The following REEP5 variants were observed in gnomAD, a reference collection of about 807,000 sequenced individuals.
REEP5 encodes the protein receptor expression-enhancing protein 5.
A neutral mutation model predicts 22.4 loss-of-function variants in REEP5; 24 were observed. The observed-to-expected ratio is 1.07, with a 90% CI of 0.78 to 1.51. The LOEUF (loss-of-function observed/expected upper bound fraction) is 1.51. Among genes scored for constraint, REEP5 ranks in the 40% most tolerant of loss-of-function variants. The pLI is 0.00. For missense variants in REEP5, 252 were observed against 233.0 expected, an observed-to-expected ratio of 1.08 and a Z score of -0.53; for synonymous variants, 103 against 88.6, an observed-to-expected ratio of 1.16 and a Z score of -0.92.
intron 2 of REEP5, among the ~76,000 whole-genome samples, chr5:112,916,200 T>C (rs1160755740): frequency 6.6e-6 from 1 of 152,276 alleles, no homozygotes; most frequent in African/African-American, 2.4e-5. Context: ...AAGAGGATGC[T>C]GTTGCTTTTA....
intron 3 of REEP5, chr5:112,892,711 A>T (rs1768519237): frequency 6.2e-7 from 1 of 1,613,968 alleles, no homozygotes; most frequent in Non-Finnish European, 8.5e-7. Context: ...TTCAGATCAG[A>T]CTGGCTCCTC....
intron 3 of REEP5, among the ~76,000 whole-genome samples, chr5:112,887,514 G>C (rs1410678485): frequency 6.6e-6 from 1 of 151,998 alleles, no homozygotes; most frequent in African/African-American, 2.4e-5. Flanking sequence ...ATCAATTTAA[G>C]AAAATATAGT....
rs73789238 is a variant in REEP5 at position 112,884,139 on chromosome 5, T to A, written c.520+2876A>T. ...GCATCTTATTAAAACACAGGACAGA[T>A]CATTTTGCTTCTGTGGTTAAAAGTC... is the stretch of plus-strand genomic sequence containing the variant. On this transcript the variant is annotated intron_variant, in intron 4 of 4. Coordinates refer to ENST00000379638, the MANE Select transcript of REEP5 (RefSeq NM_005669.5). Among the ~76,000 whole-genome samples, 1,135 of 152,286 alleles carry A rather than the reference T, an allele frequency of 7.5e-3. 11 individuals are homozygous for A. Among genetic ancestry groups the A allele is most frequent in the African/African-American group, 0.026 (1,065 of 41,554 alleles).
intron 2 of REEP5, among the ~76,000 whole-genome samples, chr5:112,911,619 C>CT (rs1187530918): frequency 2.0e-5 from 3 of 152,098 alleles, no homozygotes; most frequent in African/African-American, 7.2e-5. Context: ...AGATCAAATG[C>CT]TTTTTTATAT....
At chr5:112,921,640 G>A (rs1404536660) in intron 1 of REEP5, 1 of 261,610 alleles carries the variant, frequency 3.8e-6, no homozygotes, top group Admixed American at 5.3e-5. Context: ...TCCCGCACAC[G>A]CTGCAGTAGC....
intron 3 of REEP5, chr5:112,891,476 CAAAAT>C: frequency 1.1e-6 from 1 of 944,978 alleles, no homozygotes; most frequent in Non-Finnish European, 1.5e-6. Flanking sequence ...AAAGGAGAAA[CAAAAT>C]GAAAGTAATT....
intron 2 of REEP5, among the ~76,000 whole-genome samples, chr5:112,918,619 T>C (rs747961540): frequency 6.6e-6 from 1 of 152,216 alleles, no homozygotes; most frequent in Non-Finnish European, 1.5e-5. Context: ...GCAGCCAAAG[T>C]GACCTTAAAA....
chr5:112,914,757 G>A (rs981228413), intron 2 of REEP5, among the ~76,000 whole-genome samples: 15 of 152,180 alleles, frequency 9.9e-5, no homozygotes, highest in African/African-American at 2.6e-4. Flanking sequence ...ACAAGTGAGC[G>A]ATCCCTTAAC....
At chr5:112,892,073 TG>T (rs1415522447) in intron 3 of REEP5, 1 of 1,597,518 alleles carries the variant, frequency 6.3e-7, no homozygotes. Flanking sequence ...CAGAAGATGC[TG>T]GATCAGGCTG....
intron 2 of REEP5, among the ~76,000 whole-genome samples, chr5:112,910,940 C>G (rs755624793): frequency 2.0e-5 from 3 of 152,204 alleles, no homozygotes; most frequent in Admixed American, 6.5e-5. Flanking sequence ...ACAAATCCAC[C>G]ATGGTAATCC....
intron 2 of REEP5, among the ~76,000 whole-genome samples, chr5:112,913,391 GAGAA>G (rs1178774128): frequency 7.5e-6 from 1 of 133,928 alleles, no homozygotes; most frequent in Non-Finnish European, 1.6e-5. Context: ...GAGAAAGAAA[GAGAA>G]AGAAAGAAAA....
intron 2 of REEP5, among the ~76,000 whole-genome samples, chr5:112,917,225 A>T: frequency 6.6e-6 from 1 of 152,188 alleles, no homozygotes; most frequent in Non-Finnish European, 1.5e-5. Context: ...CCCCCTAAAC[A>T]TATTTAATCT....
chr5:112,902,369 G>T lies in REEP5; in HGVS notation c.351+11C>A. 6.2e-7 allele frequency: 1 copy of T among 1,602,044 alleles called. No homozygotes were observed. The highest frequency in any genetic ancestry group is 8.5e-7 in the Non-Finnish European group (1 of 1,175,888). ...TGAGATGGAGTTTTAGTGGTAGCAA[G>T]ACCAACATACCTTCAGCATGTAGTA... is the stretch of plus-strand genomic sequence containing the variant. On this transcript the variant is annotated intron_variant, in intron 3 of 4. Coordinates refer to ENST00000379638, the MANE Select transcript of REEP5 (RefSeq NM_005669.5).
At chr5:112,902,220 T>TTG in intron 3 of REEP5, among the ~76,000 whole-genome samples, 160 bp downstream of exon 3, 1 of 149,038 alleles carries the variant, frequency 6.7e-6, no homozygotes, top group Non-Finnish European at 1.5e-5. Flanking sequence ...ATTTTTTTGT[T>TTG]TTTGTTTTTT....
intron 2 of REEP5, among the ~76,000 whole-genome samples, chr5:112,914,069 G>A (rs1407044591): frequency 2.0e-5 from 3 of 151,400 alleles, no homozygotes; most frequent in Non-Finnish European, 4.4e-5. Flanking sequence ...CTGAGCTTGA[G>A]AAAGTCAAGG....
At chr5:112,904,860 A>G (rs1044823838) in intron 2 of REEP5, among the ~76,000 whole-genome samples, 2 of 152,176 alleles carry the variant, frequency 1.3e-5, no homozygotes, top group Non-Finnish European at 2.9e-5. Context: ...TATCTACAAT[A>G]TGAATTCTAA....
In REEP5 at chr5:112,878,246, C is replaced by A. The variant is rs1368600291; in HGVS notation, c.*540G>T. 1 of 152,960 alleles carries A rather than the reference C, an allele frequency of 6.5e-6. No homozygotes were observed. The highest frequency in any genetic ancestry group is 1.5e-5 in the Non-Finnish European group (1 of 68,290). The allele number at this position is 152,960 out of a possible 1,614,324, so 9.5% of individuals were successfully genotyped here. On this transcript the variant is annotated 3_prime_UTR_variant, in exon 5 of 5. Transcript: ENST00000379638. ...CTCCAGCTTTTGGCAGGTGGTCTTA[C>A]TGTACAGAAGTTATAAATGACACAT...
In REEP5 at chr5:112,892,805, G is replaced by A. The variant is rs776196702; in HGVS notation, c.352-5622C>T. The A allele has an allele frequency of 5.0e-6, 8 of 1,613,918 alleles. No homozygotes were observed. In the South Asian group the frequency reaches 5.5e-5, roughly 11 times the overall value. On this transcript the variant is annotated intron_variant, in intron 3 of 4. Transcript: ENST00000379638. ...AGGCAGCGGGGAAGGAGAAACCCTA[G>A]TCCAGACCACACCTACAAAAGAAAT...
chr5:112,921,472 T>C (rs1769364308), intron 1 of REEP5: 4 of 580,562 alleles, frequency 6.9e-6, no homozygotes, highest in Non-Finnish European at 1.2e-5. Flanking sequence ...CCATTGTGCC[T>C]CTCCTACCTC....
Sources: allele counts gnomAD v4.1 joint callset (sites outside exome capture counted in the v4.1 genomes callset), GRCh38; gene constraint gnomAD v4.1.1; transcripts MANE v1.5; gene names NCBI Gene and HGNC (gene_info 2026-07-23, HGNC 2026-07-21).